Variants in NDUFB6 observed in about 807,000 individuals in gnomAD.
NDUFB6 encodes NADH:ubiquinone oxidoreductase subunit B6, also known as NADH dehydrogenase [ubiquinone] 1 beta subcomplex subunit 6.
In NDUFB6, 23 loss-of-function variants were observed where a neutral mutation model predicts 17.5. The observed-to-expected ratio is 1.31, with a 90% CI of 0.94 to 1.86. The LOEUF is 1.86. Among genes scored for constraint, NDUFB6 ranks in the 40% most tolerant of loss-of-function variants. The probability of loss-of-function intolerance (pLI) is 0.00; values close to 1 mark genes in which losing one functional copy is unlikely to be tolerated. For synonymous variants in NDUFB6, 60 were observed against 53.5 expected, an observed-to-expected ratio of 1.12 and a Z score of -0.53; for missense variants, 167 against 153.8, an observed-to-expected ratio of 1.09 and a Z score of -0.46.
intron 1 of NDUFB6, 72 bp downstream of exon 1, chr9:32,572,809 C>T (rs1821971862): frequency 2.2e-6 from 3 of 1,370,276 alleles, no homozygotes; most frequent in African/African-American, 2.9e-5. Flanking sequence ...CTGCAGGGAG[C>T]GGACGTTCAG....
rs887572181 is a variant in NDUFB6, at chr9:32,573,117, T to C, written c.-57A>G. The C allele has an allele frequency of 1.0e-4, 151 of 1,454,762 alleles. No homozygotes were observed. The highest frequency in any genetic ancestry group is 1.3e-4 in the Non-Finnish European group (146 of 1,100,860). 90.1% of individuals were successfully genotyped at this position (1,454,762 alleles called of 1,614,324 possible). A position where few individuals can be genotyped will look rare whatever the true frequency, so the allele number is the denominator to read the frequency against. ...GCGCACCCTCGAACTACGGACTAGT[T>C]ACTTAAGCGCGCTCCCGCTCTGCAA... On this transcript the variant is annotated 5_prime_UTR_variant, in exon 1 of 4. Transcript: ENST00000379847.
intron 2 of NDUFB6, chr9:32,567,774 T>A (rs1821841535): frequency 3.4e-6 from 1 of 294,426 alleles, no homozygotes; most frequent in South Asian, 3.5e-5. Context: ...GTGTTGTGAC[T>A]GTTCCACCAA....
intron 2 of NDUFB6, among the ~76,000 whole-genome samples, chr9:32,570,725 C>T (rs1026617983): frequency 6.6e-6 from 1 of 152,094 alleles, no homozygotes; most frequent in African/African-American, 2.4e-5. Context: ...ATTCTTATCA[C>T]TTAAATACTA....
intron 2 of NDUFB6, among the ~76,000 whole-genome samples, chr9:32,564,975 G>A (rs747047100): frequency 6.6e-6 from 1 of 152,142 alleles, no homozygotes; most frequent in Non-Finnish European, 1.5e-5. Flanking sequence ...GACATTGGGA[G>A]GTTTCCTACT....
At chr9:32,568,729 T>C (rs1821871514) in intron 2 of NDUFB6, 2 of 104,038 alleles carry the variant, frequency 1.9e-5, no homozygotes, top group South Asian at 3.1e-4. Flanking sequence ...TGTGTGTGTG[T>C]GCATATATAT....
intron 3 of NDUFB6, 139 bp from the exon 4 acceptor site, chr9:32,554,083 A>C (rs1821385472): frequency 3.9e-6 from 2 of 519,182 alleles, no homozygotes; most frequent in Non-Finnish European, 3.5e-6. Context: ...CCCTAGACAA[A>C]GTAGAAGCTG....
At chr9:32,556,845 A>ATT (rs1821469016) in intron 3 of NDUFB6, among the ~76,000 whole-genome samples, 1 of 94,758 alleles carries the variant, frequency 1.1e-5, no homozygotes, top group African/African-American at 3.9e-5. Context: ...GAAATCCCCT[A>ATT]CTTTTTTTTT....
intron 2 of NDUFB6, among the ~76,000 whole-genome samples, chr9:32,562,128 C>T (rs777639744): frequency 1.1e-4 from 16 of 152,170 alleles, no homozygotes; most frequent in African/African-American, 2.4e-4. Flanking sequence ...TAGGTACATA[C>T]GGCCACGTTC....
intron 3 of NDUFB6, among the ~76,000 whole-genome samples, chr9:32,555,098 A>C (rs1821421072): frequency 6.6e-6 from 1 of 151,764 alleles, no homozygotes; most frequent in Non-Finnish European, 1.5e-5. Flanking sequence ...TCCTGACCAA[A>C]AAAAAAAAAA....
chr9:32,571,041 T>C lies in NDUFB6; in HGVS notation c.192A>G (p.Val64=), dbSNP rs146518353. 429 of 1,602,444 alleles carry C rather than the reference T, an allele frequency of 2.7e-4. 6 individuals carry two copies. The East Asian group carries it at 9.5e-3, about 36-fold the overall frequency. Residue 64 remains valine (V), a synonymous_variant, in exon 2 of 4, where the codon GTA becomes GTG. Transcript: ENST00000379847. Reference sequence around the variant, plus strand: ...TGAAAACAAAGATACTCTTTTTGTATACCCCATGGACCTGGGGGGAAAAAC... The same window carrying C: ...TGAAAACAAAGATACTCTTTTTGTACACCCCATGGACCTGGGGGGAAAAAC... ...KSPWRKMVHG[V]YKKSIFVFTH... is the part of the protein sequence containing the mutation.
intron 2 of NDUFB6, among the ~76,000 whole-genome samples, chr9:32,559,630 T>C (rs1563993193): frequency 6.6e-6 from 1 of 152,186 alleles, no homozygotes; most frequent in Non-Finnish European, 1.5e-5. Context: ...TTCTCCTAAA[T>C]ACTGCTTGAC....
chr9:32,568,142 A>G (rs1485590200), intron 2 of NDUFB6: 3 of 167,846 alleles, frequency 1.8e-5, no homozygotes, highest in African/African-American at 7.2e-5. Flanking sequence ...CCTATATGCC[A>G]TTAAGAAGAT....
At chr9:32,558,802 C>T (rs923702968) in intron 3 of NDUFB6, 108 bp downstream of exon 3, 7 of 753,806 alleles carry the variant, frequency 9.3e-6, no homozygotes, top group South Asian at 5.0e-5. Flanking sequence ...GGACTTAAAC[C>T]GAAAGTGAGA....
intron 2 of NDUFB6, chr9:32,567,623 C>A: frequency 2.7e-6 from 1 of 366,066 alleles, no homozygotes; most frequent in South Asian, 2.2e-5. Flanking sequence ...CCATGCCTGG[C>A]CTCAAACTTT....
chr9:32,568,423 T>C (rs535482490), intron 2 of NDUFB6: 36 of 255,428 alleles, frequency 1.4e-4, no homozygotes, highest in African/African-American at 8.2e-4. Context: ...CTGCTCCTGG[T>C]GAAGATGCTA....
intron 1 of NDUFB6, among the ~76,000 whole-genome samples, chr9:32,572,459 G>A (rs1292322467): frequency 2.6e-5 from 4 of 152,166 alleles, no homozygotes; most frequent in African/African-American, 9.7e-5. Flanking sequence ...GGCTGGCTGT[G>A]CCCTCTGGTG....
At chr9:32,569,613 A>C (rs1287354855) in intron 2 of NDUFB6, among the ~76,000 whole-genome samples, 1 of 152,200 alleles carries the variant, frequency 6.6e-6, no homozygotes, top group Non-Finnish European at 1.5e-5. Flanking sequence ...TCCTGGGCTC[A>C]AGCAATCCTC....
At position 32,568,374 on chromosome 9, in the gene NDUFB6, T is replaced by C. The variant is rs1821857884; in HGVS notation, c.273+2586A>G. On this transcript the variant is annotated intron_variant, in intron 2 of 3. Coordinates refer to ENST00000379847, the MANE Select transcript of NDUFB6 (RefSeq NM_002493.5). ...AGCTTGATAGATGAGAAGGTGCTCCTTTTGGATGAGCAAACAAAGTGGTTT... is the reference window on the plus strand; with the variant it reads ...AGCTTGATAGATGAGAAGGTGCTCCCTTTGGATGAGCAAACAAAGTGGTTT... The C allele has an allele frequency of 1.2e-5, 3 of 245,850 alleles. No individual in the cohort carries two copies. In the Admixed American group the frequency reaches 1.3e-4, roughly 11 times the overall value. 15.2% of individuals were successfully genotyped at this position (245,850 alleles called of 1,614,324 possible). A position where few individuals can be genotyped will look rare whatever the true frequency, so the allele number is the denominator to read the frequency against.
intron 2 of NDUFB6, among the ~76,000 whole-genome samples, chr9:32,569,679 ATTTTTTT>A (rs1161304283): frequency 6.8e-6 from 1 of 147,514 alleles, no homozygotes; most frequent in African/African-American, 2.5e-5. Context: ...ACATCCAGCT[ATTTTTTT>A]TTCTTTTTTT....
Sources: gnomAD v4.1 joint callset for allele counts (sites outside exome capture counted in the v4.1 genomes callset) on GRCh38, gnomAD v4.1.1 for gene constraint, MANE v1.5 for transcripts, NCBI Gene and HGNC (gene_info 2026-07-23, HGNC 2026-07-21) for gene names.